Variants in ANXA7 observed in about 807,000 individuals in gnomAD.
ANXA7 encodes the protein annexin VII.
Under a neutral mutation model 64.9 loss-of-function variants are expected in ANXA7, and 55 were observed. The observed-to-expected ratio is 0.85, with a 90% CI of 0.68 to 1.06. The LOEUF is 1.06. Among genes scored for constraint, ANXA7 ranks in the 50% least tolerant of loss-of-function variants. The probability of loss-of-function intolerance (pLI) is 0.00; values close to 1 mark genes in which losing one functional copy is unlikely to be tolerated. For synonymous variants in ANXA7, 200 were observed against 192.4 expected (o/e 1.04, Z -0.33); for missense variants, 548 against 582.1 (o/e 0.94, Z 0.60).
chr10:73,410,001 A>G (rs1323279026), intron 1 of ANXA7, among the ~76,000 whole-genome samples: 1 of 152,218 alleles, frequency 6.6e-6, no homozygotes, highest in Non-Finnish European at 1.5e-5. Flanking sequence ...CATCCAATGC[A>G]AAAATCAACT....
chr10:73,393,955 A>G (rs1253843870), intron 5 of ANXA7, among the ~76,000 whole-genome samples: 1 of 152,202 alleles, frequency 6.6e-6, no homozygotes, highest in Non-Finnish European at 1.5e-5. Flanking sequence ...TTTGCAATCT[A>G]CCCATCTGAC....
At chr10:73,409,500 T>C (rs2055807946) in intron 1 of ANXA7, among the ~76,000 whole-genome samples, 1 of 152,096 alleles carries the variant, frequency 6.6e-6, no homozygotes, top group Non-Finnish European at 1.5e-5. Flanking sequence ...AACTACAAAA[T>C]ACTGCTGAAA....
chr10:73,402,946 T>C (rs2055693121), intron 1 of ANXA7, among the ~76,000 whole-genome samples: 1 of 152,026 alleles, frequency 6.6e-6, no homozygotes, highest in African/African-American at 2.4e-5. Context: ...TGCCTCAGCC[T>C]CCCAAGTAGC....
chr10:73,379,660 C>G (rs753611170), intron 11 of ANXA7, among the ~76,000 whole-genome samples: 2 of 152,160 alleles, frequency 1.3e-5, no homozygotes, highest in African/African-American at 2.4e-5. Flanking sequence ...GATCACAGAA[C>G]TACCATTCAT....
At chr10:73,379,442 GT>G in intron 11 of ANXA7, among the ~76,000 whole-genome samples, 2 of 152,300 alleles carry the variant, frequency 1.3e-5, no homozygotes, top group African/African-American at 4.8e-5. Context: ...CCAGAAACTG[GT>G]TAACTTCAAA....
intron 5 of ANXA7, among the ~76,000 whole-genome samples, chr10:73,391,170 TA>T (rs547724690): frequency 0.054 from 7,175 of 132,718 alleles, 448 homozygotes; most frequent in African/African-American, 0.16. Context: ...CTCTGTCTCT[TA>T]AAAAAAAAAA....
chr10:73,404,548 T>A (rs941962093), intron 1 of ANXA7, among the ~76,000 whole-genome samples: 9 of 152,130 alleles, frequency 5.9e-5, no homozygotes, highest in African/African-American at 1.9e-4. Flanking sequence ...ATATTCTATA[T>A]AATATAGTGC....
intron 1 of ANXA7, chr10:73,408,480 C>T (rs181223416): frequency 2.2e-4 from 34 of 152,056 alleles, no homozygotes; most frequent in African/African-American, 8.2e-4. Flanking sequence ...ACATCATAAG[C>T]AATTTAAATT....
intron 5 of ANXA7, among the ~76,000 whole-genome samples, chr10:73,393,518 C>T (rs749013509): frequency 1.2e-4 from 19 of 152,060 alleles, no homozygotes; most frequent in Admixed American, 7.2e-4. Flanking sequence ...GAGATATAGA[C>T]CAATGGAACA....
At chr10:73,404,551 T>C (rs2055722315) in intron 1 of ANXA7, among the ~76,000 whole-genome samples, 2 of 152,208 alleles carry the variant, frequency 1.3e-5, no homozygotes, top group Admixed American at 1.3e-4. Context: ...TTCTATATAA[T>C]ATAGTGCAGG....
chr10:73,393,126 A>G (rs1012825742), intron 5 of ANXA7, among the ~76,000 whole-genome samples: 2 of 152,266 alleles, frequency 1.3e-5, no homozygotes, highest in East Asian at 1.9e-4. Flanking sequence ...AATAAAATAC[A>G]TAGGAAGCCA....
intron 6 of ANXA7, 35 bp from the exon 7 acceptor site, chr10:73,387,818 G>T: frequency 5.7e-5 from 63 of 1,101,564 alleles, no homozygotes; most frequent in Non-Finnish European, 7.9e-5. Context: ...TAAGGACAAA[G>T]TACATGCTAG....
intron 2 of ANXA7, among the ~76,000 whole-genome samples, chr10:73,399,403 T>C (rs2055624248): frequency 6.6e-6 from 1 of 152,200 alleles, no homozygotes; most frequent in South Asian, 2.1e-4. Context: ...TTCTCATCTC[T>C]CCTATGATAA....
intron 3 of ANXA7, 30 bp from the exon 4 acceptor site, chr10:73,397,304 A>G (rs1564529872): frequency 4.9e-6 from 7 of 1,418,368 alleles, no homozygotes; most frequent in Non-Finnish European, 5.9e-6. Context: ...AATAAACTAT[A>G]GTACAGTTCT....
chr10:73,408,839 G>C (rs954085572), intron 1 of ANXA7, among the ~76,000 whole-genome samples: 1 of 152,180 alleles, frequency 6.6e-6, no homozygotes, highest in Non-Finnish European at 1.5e-5. Context: ...TAAGGGACAG[G>C]TGTCATCCCA....
At chr10:73,395,911 T>C (rs775767306) in intron 5 of ANXA7, 16 of 731,500 alleles carry the variant, frequency 2.2e-5, no homozygotes, top group South Asian at 1.6e-4. Flanking sequence ...CTACCTATTA[T>C]TACAGGAACA....
chr10:73,386,355 C>A lies in ANXA7; in HGVS notation c.633+1334G>T, dbSNP rs534508408. On this transcript the variant is annotated intron_variant, in intron 7 of 12. Coordinates refer to ENST00000372921, the MANE Select transcript of ANXA7 (RefSeq NM_001156.5). ...TCAACAAGTACTAAGTGGCTACTTG[C>A]CATTATATACTTGGTACTGTAATAC... Among the ~76,000 whole-genome samples, 7 of 152,110 alleles carry A rather than the reference C, an allele frequency of 4.6e-5. No individual in the cohort carries two copies. In the South Asian group the frequency reaches 1.5e-3, roughly 32 times the overall value.
chr10:73,376,775 T>TA (rs1330325086), intron 12 of ANXA7, among the ~76,000 whole-genome samples: 12 of 148,792 alleles, frequency 8.1e-5, no homozygotes, highest in East Asian at 3.9e-4. Flanking sequence ...ACAGATGAAT[T>TA]AAAAAAAAAA....
chr10:73,408,268 C>T (rs151337651), intron 1 of ANXA7: 8 of 150,476 alleles, frequency 5.3e-5, no homozygotes, highest in East Asian at 2.0e-4. Flanking sequence ...GGCAGTGAGT[C>T]GTGTTTGCAT....
Sources: allele counts gnomAD v4.1 joint callset (sites outside exome capture counted in the v4.1 genomes callset), GRCh38; gene constraint gnomAD v4.1.1; transcripts MANE v1.5; gene names NCBI Gene and HGNC (gene_info 2026-07-23, HGNC 2026-07-21).